TTC34: variants seen among roughly 807,000 people sequenced by gnomAD.
The protein encoded by TTC34 is tetratricopeptide repeat protein 34.
In TTC34, 44 loss-of-function variants were observed where a neutral mutation model predicts 40.7. That is an observed-to-expected ratio of 1.08 (90% CI 0.85 to 1.39). The LOEUF (loss-of-function observed/expected upper bound fraction) is 1.39, where lower values mean the gene tolerates loss of function less well. Among genes scored for constraint, TTC34 ranks in the 40% most tolerant of loss-of-function variants. The probability of loss-of-function intolerance (pLI) is 0.00; values close to 1 mark genes in which losing one functional copy is unlikely to be tolerated. For missense variants in TTC34, 884 were observed against 838.0 expected (o/e 1.05, Z -0.68); for synonymous variants, 422 against 398.6 (o/e 1.06, Z -0.70).
At chr1:2,685,109 G>C (rs1480821411) in intron 6 of TTC34, among the ~76,000 whole-genome samples, 2 of 139,924 alleles carry the variant, frequency 1.4e-5, no homozygotes, top group Admixed American at 7.1e-5. Context: ...GCTTGGATCA[G>C]CACCCACACC....
intron 6 of TTC34, among the ~76,000 whole-genome samples, chr1:2,764,084 G>A (rs1641717266): frequency 7.3e-6 from 1 of 137,190 alleles, no homozygotes; most frequent in African/African-American, 2.8e-5. Context: ...CCGACAGCCT[G>A]GAACAGAATT....
intron 6 of TTC34, among the ~76,000 whole-genome samples, chr1:2,759,946 G>A (rs1264188240): frequency 1.6e-5 from 1 of 60,794 alleles, no homozygotes; most frequent in Non-Finnish European, 3.2e-5. Context: ...CTGACAGCCT[G>A]GAAAGGCACC....
intron 8 of TTC34, among the ~76,000 whole-genome samples, chr1:2,643,903 C>T (rs866206167): frequency 6.6e-6 from 1 of 152,248 alleles, no homozygotes; most frequent in African/African-American, 2.4e-5. Context: ...TGCCTTGTCC[C>T]CACGTGCCTT....
rs1319499162 is a variant in TTC34, at chr1:2,749,278, C to T, written c.2226+34331G>A. ...GCATCTGATGGTCTGGAGCAGCACC[C>T]AAAACCACAGGTGAGCATCGGAGAG... On this transcript the variant is annotated intron_variant, in intron 6 of 8. Transcript: ENST00000401095. Among the ~76,000 whole-genome samples the T allele has an allele frequency of 3.4e-5, 3 of 87,778 alleles. 1 individual carries two copies. Among genetic ancestry groups the T allele is most frequent in the African/African-American group, 8.6e-5 (1 of 11,662 alleles). 57.6% of individuals were successfully genotyped at this position (87,778 alleles called of 152,430 possible). A position where few individuals can be genotyped will look rare whatever the true frequency, so the allele number is the denominator to read the frequency against.
rs541206945 is a variant in TTC34, at chr1:2,788,425, C to T, written c.1629-719G>A. Among the ~76,000 whole-genome samples, 3 of 150,542 alleles carry T rather than the reference C, an allele frequency of 2.0e-5. 1 individual carries two copies. Among genetic ancestry groups the T allele is most frequent in the African/African-American group, 7.3e-5 (3 of 41,002 alleles). On this transcript the variant is annotated intron_variant, in intron 3 of 8. Coordinates refer to ENST00000401095, the Ensembl canonical transcript of TTC34. ...GTGTGTGTGTTATGTATGTGTTGTG[C>T]GTGTGTGTGTTGTGTGTGTGCCTTG...
At chr1:2,688,577 GCGC>G (rs2100352235) in intron 6 of TTC34, among the ~76,000 whole-genome samples, 1 of 140,806 alleles carries the variant, frequency 7.1e-6, no homozygotes, top group South Asian at 2.2e-4. Flanking sequence ...ACACCTTCCG[GCGC>G]GCATCCGACA....
At chr1:2,699,403 CA>C (rs1187802273) in intron 6 of TTC34, among the ~76,000 whole-genome samples, 1 of 98,660 alleles carries the variant, frequency 1.0e-5, no homozygotes, top group East Asian at 3.4e-4. Flanking sequence ...CCTGGAACAG[CA>C]CCCCACACCC....
chr1:2,650,236 G>T (rs927402216), intron 6 of TTC34, among the ~76,000 whole-genome samples: 1 of 150,594 alleles, frequency 6.6e-6, no homozygotes, highest in African/African-American at 2.5e-5. Flanking sequence ...GCATCTGACA[G>T]CCTGGAATGG....
At chr1:2,642,491 G>A (rs942791660) in intron 8 of TTC34, among the ~76,000 whole-genome samples, 21 of 152,254 alleles carry the variant, frequency 1.4e-4, no homozygotes, top group African/African-American at 4.8e-4. Flanking sequence ...GCTGCTGCTG[G>A]CCAGGCCTGC....
At chr1:2,756,546 A>AC (rs1641511838) in intron 6 of TTC34, among the ~76,000 whole-genome samples, 1 of 79,868 alleles carries the variant, frequency 1.3e-5, no homozygotes, top group African/African-American at 5.6e-5. Context: ...CAGCACCCAC[A>AC]CTCCAGGTGA....
Position 2,791,412 on chromosome 1 carries a change from G to A in TTC34, c.785-1066C>T, listed in dbSNP as rs903228550. ...CTGACTCCTTCAGAATTTTCAAACA[G>A]CTTTTCCTTATAACCCCATTCAATA... On this transcript the variant is annotated intron_variant, in intron 2 of 8. Transcript: ENST00000401095. 1.9e-4 allele frequency among the ~76,000 whole-genome samples: 29 copies of A among 152,302 alleles called. No homozygotes were observed. In the East Asian group the frequency reaches 5.4e-3, roughly 28 times the overall value.
chr1:2,756,714 TGAGCATCTGACAGGCTGGAG>T (rs1641519224), intron 6 of TTC34, among the ~76,000 whole-genome samples: 1 of 16,740 alleles, frequency 6.0e-5, no homozygotes, highest in Non-Finnish European at 1.0e-4. Context: ...CACCCCTAGG[TGAGCATCTGACAGGCTGGAG>T]CAGCACGCAC....
chr1:2,751,993 T>C (rs1641336123), intron 6 of TTC34, among the ~76,000 whole-genome samples: 1 of 110,890 alleles, frequency 9.0e-6, no homozygotes. Flanking sequence ...TTTGACAGCC[T>C]GGAGCAGTGC....
At chr1:2,686,596 A>C (rs374403789) in intron 6 of TTC34, among the ~76,000 whole-genome samples, 4,201 of 26,948 alleles carry the variant, frequency 0.16, 62 homozygotes, top group Admixed American at 0.18. Flanking sequence ...GGAACAGCAC[A>C]CACACCCCCA....
intron 6 of TTC34, among the ~76,000 whole-genome samples, chr1:2,685,215 G>GTACGC (rs1640275155): frequency 7.3e-6 from 1 of 136,492 alleles, no homozygotes; most frequent in Non-Finnish European, 1.5e-5. Flanking sequence ...GTGAGCATCT[G>GTACGC]ACATCGTGGA....
chr1:2,659,586 A>AACCCCAGGCGAGC (rs1639466246), intron 6 of TTC34, among the ~76,000 whole-genome samples: 1 of 140,676 alleles, frequency 7.1e-6, no homozygotes, highest in African/African-American at 2.5e-5. Context: ...CAGCACCCAC[A>AACCCCAGGCGAGC]ATCCCAGGCG....
intron 6 of TTC34, among the ~76,000 whole-genome samples, chr1:2,647,417 G>A (rs545626950): frequency 6.6e-6 from 1 of 152,124 alleles, no homozygotes; most frequent in Non-Finnish European, 1.5e-5. Context: ...GAGGTCAGGA[G>A]ATCGAGACCA....
intron 2 of TTC34, 83 bp from the exon 3 acceptor site, chr1:2,790,429 G>A (rs1280487620): frequency 1.0e-5 from 4 of 397,698 alleles, no homozygotes; most frequent in African/African-American, 8.2e-5. Context: ...ACCAGGTCCA[G>A]GGCTTGGACT....
chr1:2,773,052 G>GGCGAGCCTCTGACAGCCTGGAGCAGCACC (rs1642533908), intron 6 of TTC34, among the ~76,000 whole-genome samples: 3 of 114,228 alleles, frequency 2.6e-5, no homozygotes, highest in African/African-American at 9.0e-5. Context: ...GGAGCAGCAC[G>GGCGAGCCTCTGACAGCCTGGAGCAGCACC]CACACCCCCA....
Sources: allele counts gnomAD v4.1 joint callset (sites outside exome capture counted in the v4.1 genomes callset), GRCh38; gene constraint gnomAD v4.1.1; transcripts MANE v1.5; gene names NCBI Gene and HGNC (gene_info 2026-07-23, HGNC 2026-07-21).